PLCB1: variants seen among roughly 807,000 people sequenced by gnomAD.
PLCB1 encodes 1-phosphatidylinositol 4,5-bisphosphate phosphodiesterase beta-1.
Under a neutral mutation model 161.8 loss-of-function variants are expected in PLCB1, and 46 were observed. The ratio of observed to expected loss-of-function variants is 0.28; its 90% CI spans 0.22 to 0.36. The LOEUF is 0.36. Ranked by LOEUF, PLCB1 falls within the 10% of genes least tolerant of loss-of-function variation. PLCB1 has a pLI of 1.00. For synonymous variants in PLCB1, 517 were observed against 503.7 expected (o/e 1.03, Z -0.35); for missense variants, 1,016 against 1,472.5 (o/e 0.69, Z 5.07).
intron 2 of PLCB1, among the ~76,000 whole-genome samples, chr20:8,180,520 T>C (rs1425390409): frequency 1.3e-5 from 2 of 152,114 alleles, no homozygotes; most frequent in African/African-American, 4.8e-5. Flanking sequence ...ATAGTTTTAG[T>C]AGGAATGGTA....
chr20:8,236,619 A>T (rs1341759764), intron 2 of PLCB1, among the ~76,000 whole-genome samples: 1 of 152,086 alleles, frequency 6.6e-6, no homozygotes, highest in East Asian at 1.9e-4. Flanking sequence ...CAGAAACTAC[A>T]AAAGGAGAGT....
chr20:8,269,745 A>C lies in PLCB1; in HGVS notation c.178-101637A>C, dbSNP rs186517979. Among the ~76,000 whole-genome samples the C allele has an allele frequency of 1.4e-3, 211 of 152,296 alleles. 2 individuals carry two copies. The highest frequency in any genetic ancestry group is 5.8e-4 in the East Asian group (3 of 5,186). On this transcript the variant is annotated intron_variant, in intron 2 of 31. Transcript: ENST00000338037. ...TTACAACAGCACAGTAAGATACAAA[A>C]ATGTTCACTTCATTTTAATGTTATA...
At chr20:8,869,193 A>ATTT (rs35310371) in intron 31 of PLCB1, among the ~76,000 whole-genome samples, 2 of 151,594 alleles carry the variant, frequency 1.3e-5, no homozygotes, top group Admixed American at 6.6e-5. Context: ...TATCTTGATT[A>ATTT]TTTTTTTTTA....
intron 21 of PLCB1, among the ~76,000 whole-genome samples, chr20:8,739,577 A>T (rs1471033790): frequency 2.6e-5 from 4 of 152,226 alleles, no homozygotes; most frequent in African/African-American, 9.7e-5. Context: ...AAACAATCTG[A>T]AAACTTATAT....
intron 31 of PLCB1, among the ~76,000 whole-genome samples, chr20:8,798,970 T>G (rs1228136343): frequency 6.6e-6 from 1 of 152,202 alleles, no homozygotes; most frequent in Admixed American, 6.5e-5. Flanking sequence ...TTTCTAAAGC[T>G]AAGAAGAAGC....
chr20:8,506,030 A>T (rs1983623007), intron 3 of PLCB1, among the ~76,000 whole-genome samples: 1 of 152,158 alleles, frequency 6.6e-6, no homozygotes, highest in African/African-American at 2.4e-5. Flanking sequence ...GAGGAGTGAG[A>T]TCATTGCATA....
intron 11 of PLCB1, 86 bp downstream of exon 11, chr20:8,697,869 T>A: frequency 8.1e-7 from 1 of 1,232,946 alleles, no homozygotes; most frequent in Non-Finnish European, 1.1e-6. Flanking sequence ...AAAGTCCCAG[T>A]GGTCACAATT....
At position 8,826,506 on chromosome 20, in the gene PLCB1, A is replaced by AG. The variant is rs558444553; in HGVS notation, c.3423+36245_3423+36246insG. Among the ~76,000 whole-genome samples, 1,045 of 151,678 alleles carry AG rather than the reference A, an allele frequency of 6.9e-3. 14 individuals carry two copies. The highest frequency in any genetic ancestry group is 8.7e-3 in the Non-Finnish European group (594 of 67,906). On this transcript the variant is annotated intron_variant, in intron 31 of 31. Transcript: ENST00000338037. ...GCGAGACTCCGTCTCAAAAAAAAAA[A>AG]AAAAGAAAAGAAAAGAAGGCCTCAG...
chr20:8,455,291 G>A (rs1252326061), intron 3 of PLCB1, among the ~76,000 whole-genome samples: 4 of 143,382 alleles, frequency 2.8e-5, no homozygotes, highest in African/African-American at 7.9e-5. Context: ...TTGTGCCATT[G>A]CACTCCAGCC....
chr20:8,344,747 G>A (rs1985936471), intron 2 of PLCB1, among the ~76,000 whole-genome samples: 1 of 152,222 alleles, frequency 6.6e-6, no homozygotes, highest in Admixed American at 6.5e-5. Flanking sequence ...ATCAGGTGGT[G>A]TAACTCACAA....
intron 31 of PLCB1, among the ~76,000 whole-genome samples, chr20:8,844,126 A>G (rs953110586): frequency 6.6e-6 from 1 of 152,240 alleles, no homozygotes; most frequent in Non-Finnish European, 1.5e-5. Flanking sequence ...TCTTCATAAA[A>G]TTACTTTTTA....
chr20:8,335,551 C>T (rs1985539579), intron 2 of PLCB1, among the ~76,000 whole-genome samples: 1 of 152,124 alleles, frequency 6.6e-6, no homozygotes, highest in South Asian at 2.1e-4. Context: ...CTGTTGGCTA[C>T]ACTTGAGGGT....
chr20:8,741,659 C>T (rs929411174), intron 23 of PLCB1, 86 bp downstream of exon 23: 1 of 785,292 alleles, frequency 1.3e-6, no homozygotes, highest in Middle Eastern at 2.3e-4. Context: ...TATCACATAC[C>T]TTGGGAGAAG....
intron 3 of PLCB1, among the ~76,000 whole-genome samples, chr20:8,426,215 T>A (rs993413720): frequency 6.6e-6 from 1 of 152,186 alleles, no homozygotes; most frequent in Non-Finnish European, 1.5e-5. Flanking sequence ...GGCCAACTCC[T>A]TGAGAAATGT....
At chr20:8,354,494 G>A (rs141350710) in intron 2 of PLCB1, among the ~76,000 whole-genome samples, 22 of 152,190 alleles carry the variant, frequency 1.4e-4, no homozygotes, top group African/African-American at 3.9e-4. Context: ...TCTTTACTTC[G>A]TAATTTTTAA....
chr20:8,354,012 G>C (rs529880393), intron 2 of PLCB1, among the ~76,000 whole-genome samples: 6 of 150,164 alleles, frequency 4.0e-5, no homozygotes, highest in Admixed American at 6.6e-5. Flanking sequence ...AGAATAGAAG[G>C]CTATTTAAAA....
chr20:8,177,411 G>A (rs573687315), intron 2 of PLCB1, among the ~76,000 whole-genome samples: 5 of 152,040 alleles, frequency 3.3e-5, no homozygotes, highest in Non-Finnish European at 5.9e-5. Flanking sequence ...GTCTAAGTAC[G>A]GCATTTTGTT....
At chr20:8,168,737 T>A in intron 2 of PLCB1, among the ~76,000 whole-genome samples, 1 of 151,896 alleles carries the variant, frequency 6.6e-6, no homozygotes, top group Non-Finnish European at 1.5e-5. Flanking sequence ...GATTTTTCTG[T>A]GCCTGATGTA....
chr20:8,837,935 G>T (rs562403714), intron 31 of PLCB1, among the ~76,000 whole-genome samples: 2 of 152,322 alleles, frequency 1.3e-5, no homozygotes, highest in African/African-American at 4.8e-5. Context: ...GTGGAGTCAG[G>T]CAGCAACCAA....
Sources: gnomAD v4.1 joint callset for allele counts (sites outside exome capture counted in the v4.1 genomes callset) on GRCh38, gnomAD v4.1.1 for gene constraint, MANE v1.5 for transcripts, NCBI Gene and HGNC (gene_info 2026-07-23, HGNC 2026-07-21) for gene names.